MYO1F: variants seen among roughly 807,000 people sequenced by gnomAD.
The protein encoded by MYO1F is unconventional myosin-If.
In MYO1F, 60 loss-of-function variants were observed where a neutral mutation model predicts 146.6. The ratio of observed to expected loss-of-function variants is 0.41; its 90% CI spans 0.33 to 0.51. MYO1F has a LOEUF of 0.51. Among genes scored for constraint, MYO1F ranks in the 20% least tolerant of loss-of-function variants. The pLI is 0.25. For synonymous variants in MYO1F, 602 were observed against 602.1 expected, an observed-to-expected ratio of 1.00 and a Z score of 0.00; for missense variants, 1,274 against 1,534.3, an observed-to-expected ratio of 0.83 and a Z score of 2.83.
intron 1 of MYO1F, among the ~76,000 whole-genome samples, chr19:8,574,538 T>C (rs534790397): frequency 1.7e-3 from 85 of 51,468 alleles, no homozygotes; most frequent in African/African-American, 7.2e-3. Context: ...TCCCTTTCTT[T>C]CTTTCTTTCT....
At chr19:8,552,584 TTA>T in intron 6 of MYO1F, among the ~76,000 whole-genome samples, 2 of 152,072 alleles carry the variant, frequency 1.3e-5, no homozygotes, top group South Asian at 4.1e-4. Context: ...ATGGAATTTA[TTA>T]AACCATGTCC....
At chr19:8,542,291 T>C (rs1973010839) in intron 14 of MYO1F, among the ~76,000 whole-genome samples, 1 of 124,946 alleles carries the variant, frequency 8.0e-6, no homozygotes, top group Non-Finnish European at 1.6e-5. Flanking sequence ...AGCTGCAGCT[T>C]GCATCAGAGG....
At chr19:8,574,580 TCTCTCTCTCTCTCTC>T (rs2042178717) in intron 1 of MYO1F, among the ~76,000 whole-genome samples, 1 of 82,114 alleles carries the variant, frequency 1.2e-5, no homozygotes, top group Non-Finnish European at 2.5e-5. Context: ...TCTTTCTTTC[TCTCTCTCTCTCTCTC>T]TCTTTCTTTC....
At chr19:8,572,856 T>G (rs1555732301) in intron 1 of MYO1F, among the ~76,000 whole-genome samples, 3 of 152,128 alleles carry the variant, frequency 2.0e-5, no homozygotes, top group African/African-American at 7.2e-5. Flanking sequence ...CCACCATGCC[T>G]GGCTAACTTT....
At chr19:8,564,975 G>A (rs112827466) in intron 1 of MYO1F, among the ~76,000 whole-genome samples, 79 of 151,296 alleles carry the variant, frequency 5.2e-4, no homozygotes, top group African/African-American at 1.8e-3. Flanking sequence ...ATTTCACCAC[G>A]TTGGACACGC....
rs566591035 is a variant in MYO1F at position 8,569,773 on chromosome 19, T to G, written c.3+7534A>C. On this transcript the variant is annotated intron_variant, in intron 1 of 27. Transcript: ENST00000644032. ...ACATCAGCCAGAGAGGCCTTGGGTG[T>G]GTGGTGGACACCAGGATTCTAGTCT... 1.9e-4 allele frequency among the ~76,000 whole-genome samples: 29 copies of G among 152,168 alleles called. No individual in the cohort carries two copies. The East Asian group carries it at 5.2e-3, about 27-fold the overall frequency.
intron 1 of MYO1F, among the ~76,000 whole-genome samples, chr19:8,571,698 C>T (rs2042112154): frequency 6.6e-6 from 1 of 151,456 alleles, no homozygotes; most frequent in East Asian, 1.9e-4. Context: ...CCCGAGTTCA[C>T]GCCATTCTTC....
Position 8,545,609 on chromosome 19 carries a change from G to A in MYO1F, c.1356+41C>T, listed in dbSNP as rs772080498. The stretch of plus-strand genomic sequence containing the variant: ...CTCATCTTCCAGACTCAGCTCAGGG[G>A]ACCAGTGAGACGCCCCCGCCAAAGT... On this transcript the variant is annotated intron_variant, in intron 13 of 27. Transcript: ENST00000644032. 1.3e-5 allele frequency: 19 copies of A among 1,513,836 alleles called. No homozygotes were observed. In the Admixed American group the frequency reaches 2.8e-4, roughly 23 times the overall value. The allele number at this position is 1,513,836 out of a possible 1,614,324, so 93.8% of individuals were successfully genotyped here.
chr19:8,544,655 TAGG>T (rs1973262910), intron 13 of MYO1F, among the ~76,000 whole-genome samples, 191 bp from the exon 14 acceptor site: 1 of 149,778 alleles, frequency 6.7e-6, no homozygotes, highest in African/African-American at 2.5e-5. Flanking sequence ...ATGGAAGGGA[TAGG>T]GGGGCAAGGG....
chr19:8,525,214 A>AAAAG (rs1972216112), intron 25 of MYO1F: 1 of 320,328 alleles, frequency 3.1e-6, no homozygotes, highest in African/African-American at 2.2e-5. Flanking sequence ...AAAAAAAAAA[A>AAAAG]AAAAAAAAGA....
intron 19 of MYO1F, among the ~76,000 whole-genome samples, chr19:8,533,701 C>T (rs1972587826): frequency 6.6e-6 from 1 of 152,152 alleles, no homozygotes; most frequent in African/African-American, 2.4e-5. Flanking sequence ...GCCATGCCAA[C>T]ACCTTGATTT....
rs199833314 is a variant in MYO1F at position 8,530,580 on chromosome 19, G to A, written c.2044-7C>T. The A allele has an allele frequency of 4.7e-5, 76 of 1,603,762 alleles. No homozygotes were observed. Among genetic ancestry groups the A allele is most frequent in the Admixed American group, 3.0e-4 (18 of 60,004 alleles). On this transcript the variant is annotated splice_polypyrimidine_tract_variant and splice_region_variant and intron_variant, in intron 19 of 27. Transcript: ENST00000644032. This position sits in a 1 kb window ranked among gnomAD's most constrained non-coding sequence, Gnocchi z 5.8. ...CCTCCTCCAGGAGGAAAAGCTGGGC[G>A]GGGGTCGTGGGGGGCAAGGGTGAGT...
chr19:8,569,529 TC>T (rs1268601766), intron 1 of MYO1F, among the ~76,000 whole-genome samples: 1 of 151,936 alleles, frequency 6.6e-6, no homozygotes, highest in Non-Finnish European at 1.5e-5. Context: ...GGAACACACT[TC>T]CTGGGCCCCT....
Position 8,548,333 on chromosome 19 carries a change from G to C in MYO1F, c.1102-16C>G. 4.3e-6 allele frequency: 7 copies of C among 1,612,766 alleles called. No individual in the cohort carries two copies. Among genetic ancestry groups the C allele is most frequent in the Non-Finnish European group, 5.1e-6 (6 of 1,179,566 alleles). On this transcript the variant is annotated splice_polypyrimidine_tract_variant and intron_variant, in intron 10 of 27. Coordinates refer to ENST00000644032, the MANE Select transcript of MYO1F (RefSeq NM_012335.4). ...GGTTGATGGCCTGCGGTGTGGGTGG[G>C]GACAGGAAGTCAGTGGGCATCGGTC... is the stretch of plus-strand genomic sequence containing the variant.
chr19:8,552,571 G>T (rs550704180), intron 6 of MYO1F, among the ~76,000 whole-genome samples: 1 of 152,006 alleles, frequency 6.6e-6, no homozygotes, highest in Admixed American at 6.6e-5. Context: ...CCAGCCCAAG[G>T]GTATGGAATT....
chr19:8,526,183 T>C (rs1028286495), intron 24 of MYO1F, among the ~76,000 whole-genome samples: 1 of 151,974 alleles, frequency 6.6e-6, no homozygotes, highest in Non-Finnish European at 1.5e-5. Context: ...AAAAATTAGC[T>C]GGGCGCGGTG....
intron 13 of MYO1F, among the ~76,000 whole-genome samples, chr19:8,544,687 A>G (rs1033550391): frequency 2.0e-5 from 3 of 151,922 alleles, no homozygotes; most frequent in Non-Finnish European, 4.4e-5. Flanking sequence ...GCTACTGTGG[A>G]AGCTCGCTGA....
chr19:8,539,824 G>T, intron 16 of MYO1F, 123 bp downstream of exon 16: 1 of 853,468 alleles, frequency 1.2e-6, no homozygotes, highest in Non-Finnish European at 1.9e-6. Context: ...ACAGTCAGAG[G>T]CAGAAGCCCC....
At chr19:8,522,576 C>T (rs1267517349) in intron 26 of MYO1F, 30 bp from the exon 27 acceptor site, 1 of 1,607,390 alleles carries the variant, frequency 6.2e-7, no homozygotes, top group Non-Finnish European at 8.5e-7. Context: ...GAGTCACAGC[C>T]CCAGACACTC....
Sources: allele counts gnomAD v4.1 joint callset (sites outside exome capture counted in the v4.1 genomes callset), GRCh38; gene constraint gnomAD v4.1.1; non-coding constraint Gnocchi (gnomAD v3.1); transcripts MANE v1.5; gene names NCBI Gene and HGNC (gene_info 2026-07-23, HGNC 2026-07-21).